HECW1: variants seen among roughly 807,000 people sequenced by gnomAD.
The protein encoded by HECW1 is HECT, C2 and WW domain containing E3 ubiquitin protein ligase 1.
A neutral mutation model predicts 182.3 loss-of-function variants in HECW1; 61 were observed. The observed-to-expected ratio is 0.33, with a 90% CI of 0.27 to 0.41. The LOEUF is 0.41. Among genes scored for constraint, HECW1 ranks in the 10% least tolerant of loss-of-function variants. HECW1 has a pLI of 1.00. For synonymous variants in HECW1, 859 were observed against 832.6 expected (o/e 1.03, Z -0.55); for missense variants, 1,739 against 2,108.9 (o/e 0.82, Z 3.44).
At chr7:43,307,794 A>G (rs1329701748) in intron 3 of HECW1, among the ~76,000 whole-genome samples, 1 of 150,588 alleles carries the variant, frequency 6.6e-6, no homozygotes, top group Non-Finnish European at 1.5e-5. Flanking sequence ...GCTCACCACA[A>G]ACCAAAACAA....
In HECW1 at chr7:43,442,600, G is replaced by A. The variant is rs748603082; in HGVS notation, c.1016G>A (p.Arg339Gln). The A allele has an allele frequency of 6.2e-6, 10 of 1,613,574 alleles. No homozygotes were observed. Among genetic ancestry groups the A allele is most frequent in the Admixed American group, 1.7e-5 (1 of 59,984 alleles). Residue 339 changes from arginine to glutamine, a missense_variant, in exon 10 of 30, where the codon CGA becomes CAA. Arg to Gln is a conservative substitution (Grantham distance 43). This residue lies in a region of HECW1 where 66 missense variants were observed against 113.8 expected (regional missense o/e 0.58). Transcript: ENST00000395891. ...TDHVSGQLQF[R>Q]FEITSSIHPD... ...CATGTGAGTGGACAGCTGCAATTCC[G>A]ATTTGAGATCACTTCCTCCATCCAC...
chr7:43,540,243 C>G (rs1463993454), intron 24 of HECW1, among the ~76,000 whole-genome samples: 1 of 152,096 alleles, frequency 6.6e-6, no homozygotes, highest in Non-Finnish European at 1.5e-5. Context: ...GGAAATTCCA[C>G]CAGGGAGGAT....
intron 3 of HECW1, among the ~76,000 whole-genome samples, chr7:43,264,571 C>T (rs546604020): frequency 3.9e-5 from 6 of 152,176 alleles, no homozygotes; most frequent in Admixed American, 1.3e-4. Context: ...GTCAGCCAGG[C>T]GCGGTGGCTC....
intron 6 of HECW1, among the ~76,000 whole-genome samples, chr7:43,367,210 T>G (rs956567673): frequency 2.6e-5 from 4 of 152,232 alleles, no homozygotes; most frequent in Non-Finnish European, 4.4e-5. Context: ...ACATGGCATT[T>G]ATTTTTTGAC....
At chr7:43,400,404 A>G (rs1241300173) in intron 7 of HECW1, among the ~76,000 whole-genome samples, 1 of 152,178 alleles carries the variant, frequency 6.6e-6, no homozygotes, top group African/African-American at 2.4e-5. Flanking sequence ...CAAACTCACT[A>G]AAGATGGACA....
At chr7:43,307,130 TGTACA>T (rs1183260247) in intron 3 of HECW1, among the ~76,000 whole-genome samples, 12 of 152,268 alleles carry the variant, frequency 7.9e-5, no homozygotes, top group Non-Finnish European at 5.9e-5. Flanking sequence ...CAGGGCACTT[TGTACA>T]GTGTATTTAA....
chr7:43,311,592 AG>A, intron 3 of HECW1, 170 bp from the exon 4 acceptor site: 1 of 773,276 alleles, frequency 1.3e-6, no homozygotes, highest in African/African-American at 1.7e-5. Context: ...GTGAACCCAG[AG>A]CTGCAGCCTT....
intron 3 of HECW1, among the ~76,000 whole-genome samples, chr7:43,302,955 G>GCGCACACACACGCGCGCA (rs1554347432): frequency 1.7e-4 from 26 of 151,224 alleles, no homozygotes; most frequent in African/African-American, 4.8e-4. Context: ...ACACATGCGC[G>GCGCACACACACGCGCGCA]CACACACACA....
At chr7:43,425,874 T>G (rs1381549954) in intron 8 of HECW1, among the ~76,000 whole-genome samples, 1 of 152,150 alleles carries the variant, frequency 6.6e-6, no homozygotes, top group Non-Finnish European at 1.5e-5. Context: ...AATTTCAACA[T>G]GAGTTTTCGT....
intron 2 of HECW1, among the ~76,000 whole-genome samples, chr7:43,198,240 C>T (rs1380793189): frequency 6.8e-6 from 1 of 147,952 alleles, no homozygotes; most frequent in East Asian, 2.0e-4. Context: ...TCGCACATCC[C>T]ACAGTCTCTC....
At chr7:43,457,780 A>C (rs920558677) in intron 13 of HECW1, among the ~76,000 whole-genome samples, 1 of 151,994 alleles carries the variant, frequency 6.6e-6, no homozygotes, top group Non-Finnish European at 1.5e-5. Context: ...ATCTCAAAAA[A>C]AAAAAAACAA....
chr7:43,329,094 C>T (rs533096859), intron 5 of HECW1, among the ~76,000 whole-genome samples: 1 of 152,166 alleles, frequency 6.6e-6, no homozygotes, highest in African/African-American at 2.4e-5. Context: ...GGAGCCCTAG[C>T]CTGACCTTGG....
chr7:43,217,681 G>T (rs1562689154), intron 2 of HECW1, among the ~76,000 whole-genome samples: 1 of 152,048 alleles, frequency 6.6e-6, no homozygotes, highest in Non-Finnish European at 1.5e-5. Flanking sequence ...ATGATGAGGG[G>T]CTTAGGCATC....
intron 3 of HECW1, among the ~76,000 whole-genome samples, chr7:43,261,566 T>C (rs972283378): frequency 3.3e-4 from 51 of 152,312 alleles, no homozygotes; most frequent in African/African-American, 1.1e-3. Context: ...CGGGCAGCTC[T>C]GAACTCCAGG....
chr7:43,242,130 A>G (rs921339835), intron 2 of HECW1, among the ~76,000 whole-genome samples: 1 of 152,226 alleles, frequency 6.6e-6, no homozygotes, highest in Admixed American at 6.5e-5. Context: ...GTAAGTCTCA[A>G]ACTGGTATTT....
At chr7:43,235,633 A>G (rs1008522926) in intron 2 of HECW1, among the ~76,000 whole-genome samples, 1 of 152,222 alleles carries the variant, frequency 6.6e-6, no homozygotes, top group African/African-American at 2.4e-5. Context: ...GGGATAACTT[A>G]ATGTGCAAAA....
intron 5 of HECW1, among the ~76,000 whole-genome samples, chr7:43,359,127 A>G (rs1206397998): frequency 6.6e-6 from 1 of 152,158 alleles, no homozygotes; most frequent in African/African-American, 2.4e-5. Context: ...TGCCCGGCCC[A>G]TATCTTTTAA....
At chr7:43,303,943 G>A (rs935498225) in intron 3 of HECW1, among the ~76,000 whole-genome samples, 1 of 152,128 alleles carries the variant, frequency 6.6e-6, no homozygotes, top group Non-Finnish European at 1.5e-5. Flanking sequence ...GAGGACCCAG[G>A]GGCAGTATTT....
intron 19 of HECW1, among the ~76,000 whole-genome samples, chr7:43,496,484 A>T (rs1382235555): frequency 6.6e-6 from 1 of 152,160 alleles, no homozygotes; most frequent in Non-Finnish European, 1.5e-5. Flanking sequence ...TAAGAGATGC[A>T]GGAAGCCAGG....
Sources: allele counts gnomAD v4.1 joint callset (sites outside exome capture counted in the v4.1 genomes callset), GRCh38; gene constraint gnomAD v4.1.1; regional missense constraint gnomAD v4.1.1; transcripts MANE v1.5; gene names NCBI Gene and HGNC (gene_info 2026-07-23, HGNC 2026-07-21).